The following TLCD4 variants were observed in gnomAD, a reference collection of about 807,000 sequenced individuals.
The protein encoded by TLCD4 is TLC domain containing 4, also known as TLC domain-containing protein 4.
Under a neutral mutation model 24.2 loss-of-function variants are expected in TLCD4, and 7 were observed. The ratio of observed to expected loss-of-function variants is 0.29; its 90% CI spans 0.16 to 0.54. The LOEUF is 0.54. Ranked by LOEUF, TLCD4 falls within the 20% of genes least tolerant of loss-of-function variation. The pLI, the probability that TLCD4 is intolerant of heterozygous loss-of-function variation, is 0.95. For synonymous variants in TLCD4, 103 were observed against 106.4 expected (o/e 0.97, Z 0.20); for missense variants, 259 against 313.9 (o/e 0.82, Z 1.32).
At chr1:95,123,254 A>C (rs930564393) in intron 1 of TLCD4, among the ~76,000 whole-genome samples, 1 of 152,240 alleles carries the variant, frequency 6.6e-6, no homozygotes, top group Non-Finnish European at 1.5e-5. Flanking sequence ...GTTTAGAATG[A>C]GGTTTCCTTC....
rs1321676660 is a variant in TLCD4, at chr1:95,182,215, T to A, written c.473+8326T>A. Among the ~76,000 whole-genome samples the A allele has an allele frequency of 2.0e-5, 3 of 152,170 alleles. No homozygotes were observed. The South Asian group carries it at 6.2e-4, about 32-fold the overall frequency. On this transcript the variant is annotated intron_variant, in intron 6 of 6. Coordinates refer to ENST00000370203, the MANE Select transcript of TLCD4 (RefSeq NM_152487.3). ...ATGTGACAAGCCCACTTTTTTTTTTTATTTTTGAGAGAGTGCCTGCCAGAT... is the reference window on the plus strand; with the variant it reads ...ATGTGACAAGCCCACTTTTTTTTTTAATTTTTGAGAGAGTGCCTGCCAGAT...
At chr1:95,179,574 C>G (rs1296748857) in intron 6 of TLCD4, among the ~76,000 whole-genome samples, 1 of 152,198 alleles carries the variant, frequency 6.6e-6, no homozygotes, top group Non-Finnish European at 1.5e-5. Context: ...GTCTCCTATC[C>G]TGTTCCCCTT....
At chr1:95,191,022 G>A (rs1679010462) in intron 6 of TLCD4, among the ~76,000 whole-genome samples, 1 of 152,082 alleles carries the variant, frequency 6.6e-6, no homozygotes, top group Non-Finnish European at 1.5e-5. Context: ...CACTTTTGGT[G>A]TTGTATCTAA....
At chr1:95,183,753 G>C (rs928066922) in intron 6 of TLCD4, among the ~76,000 whole-genome samples, 1 of 152,056 alleles carries the variant, frequency 6.6e-6, no homozygotes, top group Non-Finnish European at 1.5e-5. Context: ...CAGGAGAATC[G>C]CTTGAATCTG....
chr1:95,124,106 TA>T (rs1424377307), intron 1 of TLCD4, among the ~76,000 whole-genome samples: 1 of 152,242 alleles, frequency 6.6e-6, no homozygotes, highest in Non-Finnish European at 1.5e-5. Flanking sequence ...TTGACTATAG[TA>T]TCTTTAGTTT....
chr1:95,139,024 C>CAAAAAA (rs1181312045), intron 1 of TLCD4, among the ~76,000 whole-genome samples: 1 of 56,872 alleles, frequency 1.8e-5, no homozygotes, highest in Non-Finnish European at 3.6e-5. Flanking sequence ...CCAGTCTCTA[C>CAAAAAA]AAAAAAAAAA....
chr1:95,148,751 A>G lies in TLCD4; in HGVS notation c.205A>G (p.Ile69Val), dbSNP rs764643500. Residue 69 changes from isoleucine (I) to valine (V), a missense_variant, in exon 3 of 7, where the codon ATT becomes GTT. Transcript: ENST00000370203. ...SLVVGIFGLYIFLFDEATKAD... is the reference protein window; with the variant it reads ...SLVVGIFGLYVFLFDEATKAD... ...GGTGGTTGGTATTTTTGGCCTGTAC[A>G]TTTTCTTATTCGATGAGGCTACTAA... 3.1e-6 allele frequency: 5 copies of G among 1,613,514 alleles called. No individual in the cohort carries two copies. The highest frequency in any genetic ancestry group is 1.6e-4 in the Middle Eastern group (1 of 6,082).
intron 5 of TLCD4, among the ~76,000 whole-genome samples, chr1:95,166,114 T>G (rs1678011365): frequency 6.6e-6 from 1 of 152,192 alleles, no homozygotes; most frequent in African/African-American, 2.4e-5. Flanking sequence ...CAGTATAGTT[T>G]TGGAACTTTT....
chr1:95,186,572 A>G (rs1678837560), intron 6 of TLCD4, among the ~76,000 whole-genome samples: 2 of 152,222 alleles, frequency 1.3e-5, no homozygotes, highest in African/African-American at 2.4e-5. Context: ...GCTTATGATT[A>G]GAGAGGAATG....
intron 1 of TLCD4, chr1:95,138,411 A>G (rs1677106160): frequency 6.6e-6 from 1 of 152,158 alleles, no homozygotes; most frequent in Admixed American, 6.5e-5. Context: ...AAGTGCTCTC[A>G]TAGCTGATAG....
the TLCD4 span, among the ~76,000 whole-genome samples, chr1:95,097,791 A>T: frequency 1.3e-5 from 2 of 152,220 alleles, no homozygotes; most frequent in African/African-American, 4.8e-5. Flanking sequence ...CACAAGAAAT[A>T]GTTGATAAAC....
intron 1 of TLCD4, among the ~76,000 whole-genome samples, chr1:95,141,061 T>C (rs1409453503): frequency 6.6e-6 from 1 of 152,204 alleles, no homozygotes; most frequent in African/African-American, 2.4e-5. Flanking sequence ...GAGCTTTTAA[T>C]GGAAGTCACA....
At chr1:95,104,634 C>CCAG in the TLCD4 span, among the ~76,000 whole-genome samples, 1 of 122,448 alleles carries the variant, frequency 8.2e-6, no homozygotes, top group African/African-American at 2.8e-5. Context: ...CCACTGCACT[C>CCAG]CAGCCTGGGG....
At chr1:95,128,945 GT>G (rs1433914531) in intron 1 of TLCD4, among the ~76,000 whole-genome samples, 1 of 152,194 alleles carries the variant, frequency 6.6e-6, no homozygotes, top group Non-Finnish European at 1.5e-5. Context: ...TGTCAGATCG[GT>G]TTTCTGAGCT....
At chr1:95,162,852 A>G (rs553901920) in intron 5 of TLCD4, among the ~76,000 whole-genome samples, 2 of 152,300 alleles carry the variant, frequency 1.3e-5, no homozygotes, top group South Asian at 4.1e-4. Flanking sequence ...TGGCTTGTAG[A>G]GTTTCTGCCG....
chr1:95,150,407 G>T, intron 4 of TLCD4, 141 bp downstream of exon 4: 1 of 1,029,006 alleles, frequency 9.7e-7, no homozygotes, highest in Non-Finnish European at 1.4e-6. Flanking sequence ...CTCCCATGAT[G>T]GTAGAACATG....
chr1:95,167,812 C>T (rs1342214204), intron 5 of TLCD4, among the ~76,000 whole-genome samples: 3 of 152,188 alleles, frequency 2.0e-5, no homozygotes, highest in African/African-American at 7.2e-5. Flanking sequence ...TAATGTAACG[C>T]TCCCTTTCGA....
intron 5 of TLCD4, chr1:95,163,813 C>A: frequency 6.5e-6 from 1 of 153,584 alleles, no homozygotes; most frequent in Non-Finnish European, 1.4e-5. Context: ...GGCTGCAGAA[C>A]AGCAAATATT....
rs892305793 is a variant in TLCD4, at chr1:95,192,743, A to T, written c.*875A>T. 2.0e-5 allele frequency: 3 copies of T among 151,932 alleles called. No homozygotes were observed. The highest frequency in any genetic ancestry group is 7.3e-5 in the African/African-American group (3 of 41,368). The allele number at this position is 151,932 out of a possible 1,614,324, so 9.4% of individuals were successfully genotyped here. Reference sequence around the variant, plus strand: ...TGATGAAATATTTTACCACTTTGGGAATATTTAATTAGTTTAGTCATGGAG... The same window carrying T: ...TGATGAAATATTTTACCACTTTGGGTATATTTAATTAGTTTAGTCATGGAG... On this transcript the variant is annotated 3_prime_UTR_variant, in exon 7 of 7. Transcript: ENST00000370203.
Sources: gnomAD v4.1 joint callset for allele counts (sites outside exome capture counted in the v4.1 genomes callset) on GRCh38, gnomAD v4.1.1 for gene constraint, MANE v1.5 for transcripts, NCBI Gene and HGNC (gene_info 2026-07-23, HGNC 2026-07-21) for gene names.